The following SPG21 variants were observed in gnomAD, a reference collection of about 807,000 sequenced individuals.
SPG21 encodes maspardin.
SPG21 carries 26 observed loss-of-function variants against 38.9 expected under a neutral mutation model. The ratio of observed to expected loss-of-function variants is 0.67; its 90% CI spans 0.49 to 0.93. The LOEUF is 0.93. SPG21 is among the 40% of genes least tolerant of loss of function. The pLI is 0.00. For synonymous variants in SPG21, 136 were observed against 128.9 expected, an observed-to-expected ratio of 1.05 and a Z score of -0.37; for missense variants, 333 against 376.5, an observed-to-expected ratio of 0.88 and a Z score of 0.96.
In SPG21 at chr15:64,963,441, T is replaced by C; in HGVS notation, c.*179A>G. 1.6e-6 allele frequency: 1 copy of C among 616,964 alleles called. No homozygotes were observed. Among genetic ancestry groups the C allele is most frequent in the East Asian group, 2.7e-5 (1 of 37,178 alleles). 38.2% of individuals were successfully genotyped at this position (616,964 alleles called of 1,614,324 possible). A position where few individuals can be genotyped will look rare whatever the true frequency, so the allele number is the denominator to read the frequency against. Reference sequence around the variant, plus strand: ...CTAAGAAAACCAAAGAGGGAACAGTTACACAGGCTTAGTGGAGATGCCGCC... The same window carrying C: ...CTAAGAAAACCAAAGAGGGAACAGTCACACAGGCTTAGTGGAGATGCCGCC... On this transcript the variant is annotated 3_prime_UTR_variant, in exon 9 of 9. Transcript: ENST00000204566.
At chr15:64,985,170 A>G (rs1159958768) in intron 1 of SPG21, among the ~76,000 whole-genome samples, 1 of 152,256 alleles carries the variant, frequency 6.6e-6, no homozygotes, top group Admixed American at 6.5e-5. Context: ...AACTAACAAC[A>G]AAATGAAACA....
At chr15:64,978,671 C>A (rs1017177551) in intron 3 of SPG21, among the ~76,000 whole-genome samples, 26 of 152,022 alleles carry the variant, frequency 1.7e-4, no homozygotes, top group Non-Finnish European at 3.1e-4. Flanking sequence ...CTGATTCTAC[C>A]TAGCAGAAAG....
chr15:64,965,399 T>C lies in SPG21; in HGVS notation c.731A>G (p.Asn244Ser). The C allele has an allele frequency of 6.2e-7, 1 of 1,614,186 alleles. No homozygotes were observed. Among genetic ancestry groups the C allele is most frequent in the East Asian group, 2.2e-5 (1 of 44,884 alleles). ...TGTTTTCAGATGAGCTCTTCGGGCA[T>C]TAGGATACAGCTTGTACATTTCTTC... ...AKEEMYKLYP[N>S]ARRAHLKTGG... is the part of the protein sequence containing the mutation. Residue 244 changes from asparagine to serine, a missense_variant, in exon 8 of 9, where the codon AAT (asparagine) becomes AGT (serine). Physicochemically the swap from Asn to Ser is conservative, Grantham distance 46. Coordinates refer to ENST00000204566, the MANE Select transcript of SPG21 (RefSeq NM_016630.7).
At chr15:64,971,760 T>TG (rs1229347627) in intron 5 of SPG21, among the ~76,000 whole-genome samples, 2 of 150,680 alleles carry the variant, frequency 1.3e-5, no homozygotes, top group Non-Finnish European at 3.0e-5. Flanking sequence ...CACTTGAACC[T>TG]GGGGGGCAGA....
At chr15:64,975,017 C>T (rs540734314) in intron 4 of SPG21, among the ~76,000 whole-genome samples, 3 of 152,142 alleles carry the variant, frequency 2.0e-5, no homozygotes, top group South Asian at 2.1e-4. Flanking sequence ...AGTCCAGGCA[C>T]GGTGGCTCAC....
intron 7 of SPG21, 151 bp from the exon 8 acceptor site, chr15:64,965,611 C>A (rs528109228): frequency 1.7e-6 from 2 of 1,174,094 alleles, no homozygotes; most frequent in Non-Finnish European, 2.4e-6. Context: ...CAATCCTGAA[C>A]CCCCAGCAGC....
intron 8 of SPG21, among the ~76,000 whole-genome samples, chr15:64,964,487 G>C (rs1011605101): frequency 2.6e-5 from 4 of 152,108 alleles, no homozygotes; most frequent in African/African-American, 9.7e-5. Flanking sequence ...TTACAGGTGT[G>C]AGCCACCATG....
chr15:64,966,781 C>T (rs1265909940), intron 7 of SPG21, among the ~76,000 whole-genome samples: 1 of 152,034 alleles, frequency 6.6e-6, no homozygotes, highest in African/African-American at 2.4e-5. Context: ...TGCCTGTAGT[C>T]CCAGCTACTT....
At position 64,980,821 on chromosome 15, in the gene SPG21, A is replaced by C. The variant is rs77231824; in HGVS notation, c.225+43T>G. ...AGAGACAGAAGCATAAAAAAAAAAA[A>C]ACACACAAAACGTGGGTCTGAATTT... On this transcript the variant is annotated intron_variant, in intron 3 of 8. Transcript: ENST00000204566. 16,019 of 1,604,626 alleles carry C rather than the reference A, an allele frequency of 1.0e-2. 481 individuals are homozygous for C. In the South Asian group the frequency reaches 0.11, roughly 12 times the overall value.
chr15:64,974,893 G>A, intron 4 of SPG21, 146 bp from the exon 5 acceptor site: 2 of 906,166 alleles, frequency 2.2e-6, no homozygotes, highest in South Asian at 3.0e-5. Flanking sequence ...TAGAAATTTA[G>A]AAAATATTGT....
intron 3 of SPG21, 105 bp downstream of exon 3, chr15:64,980,759 A>ACAAACAAG: frequency 7.5e-7 from 1 of 1,326,366 alleles, no homozygotes; most frequent in East Asian, 2.4e-5. Flanking sequence ...AAACAAACAA[A>ACAAACAAG]CAAACAAACA....
At chr15:64,969,154 T>C in intron 7 of SPG21, 101 bp downstream of exon 7, 1 of 844,926 alleles carries the variant, frequency 1.2e-6, no homozygotes, top group Non-Finnish European at 2.0e-6. Context: ...CAAGGCAGCA[T>C]TTGAAGAGGT....
At chr15:64,971,216 C>G (rs984950114) in intron 5 of SPG21, among the ~76,000 whole-genome samples, 3 of 152,034 alleles carry the variant, frequency 2.0e-5, no homozygotes, top group Admixed American at 2.0e-4. Flanking sequence ...TACCACCAGG[C>G]CTGACTAATT....
At chr15:64,966,748 A>G (rs2140409382) in intron 7 of SPG21, among the ~76,000 whole-genome samples, 1 of 152,016 alleles carries the variant, frequency 6.6e-6, no homozygotes, top group South Asian at 2.1e-4. Flanking sequence ...AAATACAAAA[A>G]ATTAGCTGGG....
chr15:64,973,266 C>T (rs1454335201), intron 5 of SPG21, among the ~76,000 whole-genome samples: 1 of 151,974 alleles, frequency 6.6e-6, no homozygotes, highest in African/African-American at 2.4e-5. Flanking sequence ...TCACACCTGG[C>T]CACTGGGCTT....
intron 1 of SPG21, among the ~76,000 whole-genome samples, chr15:64,984,694 G>A (rs111254692): frequency 0.034 from 5,152 of 151,406 alleles, 204 homozygotes; most frequent in South Asian, 0.16. Context: ...TGATAAATTC[G>A]CAATACACCA....
intron 7 of SPG21, among the ~76,000 whole-genome samples, chr15:64,967,086 A>C (rs925454804): frequency 6.6e-6 from 1 of 152,064 alleles, no homozygotes; most frequent in Admixed American, 6.6e-5. Flanking sequence ...GGATATAGAG[A>C]AACTGGAATC....
rs541179360 is a variant in SPG21 at position 64,985,763 on chromosome 15, G to A, written c.-24-2170C>T. ...ATGGAACTCTTCCTTGGTGGCCCTC[G>A]AGATCTGCTCCCTCAGGAACACAGA... On this transcript the variant is annotated intron_variant, in intron 1 of 8. Coordinates refer to ENST00000204566, the MANE Select transcript of SPG21 (RefSeq NM_016630.7). 7.9e-5 allele frequency among the ~76,000 whole-genome samples: 12 copies of A among 152,240 alleles called. No individual in the cohort carries two copies. In the East Asian group the frequency reaches 1.7e-3, roughly 22 times the overall value.
intron 5 of SPG21, among the ~76,000 whole-genome samples, chr15:64,971,640 A>T (rs1174149615): frequency 2.0e-5 from 3 of 152,008 alleles, no homozygotes; most frequent in African/African-American, 4.8e-5. Flanking sequence ...GTTCAAGACC[A>T]GCCTGGCCAA....
Sources: gnomAD v4.1 joint callset for allele counts (sites outside exome capture counted in the v4.1 genomes callset) on GRCh38, gnomAD v4.1.1 for gene constraint, MANE v1.5 for transcripts, NCBI Gene and HGNC (gene_info 2026-07-23, HGNC 2026-07-21) for gene names.